Variants in DIO1 observed in about 807,000 individuals in gnomAD.
The protein encoded by DIO1 is type I iodothyronine deiodinase.
Under a neutral mutation model 25.9 loss-of-function variants are expected in DIO1, and 17 were observed. The ratio of observed to expected loss-of-function variants is 0.66; its 90% CI spans 0.45 to 0.98. DIO1 has a LOEUF of 0.98. DIO1 is among the 50% of genes least tolerant of loss of function. The pLI is 0.00. For synonymous variants in DIO1, 115 were observed against 114.0 expected, an observed-to-expected ratio of 1.01 and a Z score of -0.05; for missense variants, 270 against 310.4, an observed-to-expected ratio of 0.87 and a Z score of 0.98.
chr1:53,907,403 C>G (rs928969227), intron 3 of DIO1, among the ~76,000 whole-genome samples: 1 of 151,984 alleles, frequency 6.6e-6, no homozygotes, highest in African/African-American at 2.4e-5. Context: ...GTCCACAGAT[C>G]AAGATCAAGC....
intron 1 of DIO1, among the ~76,000 whole-genome samples, chr1:53,901,856 C>T (rs773436756): frequency 2.1e-4 from 31 of 150,748 alleles, no homozygotes; most frequent in South Asian, 1.9e-3. Context: ...TGTGAATAGC[C>T]ACTGCATTCC....
At chr1:53,907,210 C>T (rs573002902) in intron 3 of DIO1, among the ~76,000 whole-genome samples, 1 of 152,292 alleles carries the variant, frequency 6.6e-6, no homozygotes, top group Non-Finnish European at 1.5e-5. Context: ...GGCTCCCTTT[C>T]TTGTGATTGC....
At chr1:53,907,913 G>A (rs111584762) in intron 3 of DIO1, among the ~76,000 whole-genome samples, 3,059 of 46,710 alleles carry the variant, frequency 0.065, 147 homozygotes, top group African/African-American at 0.16. Flanking sequence ...CTCTGTCTCG[G>A]AAAAAAAAAA....
intron 1 of DIO1, among the ~76,000 whole-genome samples, chr1:53,897,403 G>A (rs11582167): frequency 0.033 from 4,956 of 152,262 alleles, 141 homozygotes; most frequent in East Asian, 0.12. Flanking sequence ...TTGAACCCAG[G>A]AGGCAGAGGT....
rs11806067 is a variant in DIO1 at position 53,906,501 on chromosome 1, G to A, written c.681+207G>A. Among the ~76,000 whole-genome samples, 109 of 152,290 alleles carry A rather than the reference G, an allele frequency of 7.2e-4. No homozygotes were observed. The South Asian group carries it at 0.012, about 17-fold the overall frequency. On this transcript the variant is annotated intron_variant, in intron 3 of 3. Transcript: ENST00000361921. ...ATGGGAATGTTGGTCTCCACCTCAC[G>A]GGGGATGAAATAATGCACACGAATG...
chr1:53,906,415 C>T, intron 3 of DIO1, 121 bp downstream of exon 3: 1 of 825,908 alleles, frequency 1.2e-6, no homozygotes, highest in Non-Finnish European at 1.9e-6. Flanking sequence ...ACTTACCAGC[C>T]ATGTGACCAT....
chr1:53,897,987 AAC>A (rs1312460335), intron 1 of DIO1, among the ~76,000 whole-genome samples: 1 of 152,230 alleles, frequency 6.6e-6, no homozygotes, highest in East Asian at 1.9e-4. Context: ...CATAGGTACT[AAC>A]AATACGGAAA....
At position 53,906,195 on chromosome 1, in the gene DIO1, C is replaced by G; in HGVS notation, c.582C>G (p.Cys194Trp). 1 of 1,614,200 alleles carries G rather than the reference C, an allele frequency of 6.2e-7. No individual in the cohort carries two copies. Among genetic ancestry groups the G allele is most frequent in the Non-Finnish European group, 8.5e-7 (1 of 1,180,030 alleles). The stretch of plus-strand genomic sequence containing the variant: ...TACTGCTGGCCAGGAGCCCCCAGTG[C>G]CCTGTGGTGGTGGACACCATGCAGA... ...AHLLLARSPQCPVVVDTMQNQ... is the reference protein window; with the variant it reads ...AHLLLARSPQWPVVVDTMQNQ... The change falls in exon 3 of 4, where the codon TGC becomes TGG. Residue 194 changes from cysteine (C) to tryptophan (W), a missense_variant. Physicochemically the swap from Cys to Trp is radical, Grantham distance 215 (BLOSUM62 -2). Coordinates refer to ENST00000361921, the MANE Select transcript of DIO1 (RefSeq NM_000792.7).
rs1298204053 is a variant in DIO1, at chr1:53,910,162, G to C, written c.*163G>C. On this transcript the variant is annotated 3_prime_UTR_variant, in exon 4 of 4. Transcript: ENST00000361921. ...AACAACTCCCAGCTGAGGAATGCAG[G>C]CCACAGCACCCAATCAAGACAAATT... 1.6e-6 allele frequency: 1 copy of C among 638,938 alleles called. No individual in the cohort carries two copies. The highest frequency in any genetic ancestry group is 2.8e-6 in the Non-Finnish European group (1 of 356,434). 39.6% of individuals were successfully genotyped at this position (638,938 alleles called of 1,614,324 possible).
Position 53,904,726 on chromosome 1 carries a change from T to G in DIO1, c.398T>G (p.Phe133Cys). 6.2e-7 allele frequency: 1 copy of G among 1,613,988 alleles called. No individual in the cohort carries two copies. Residue 133 changes from phenylalanine (F) to cysteine (C), a missense_variant, in exon 2 of 4, where the codon TTT becomes TGT. Physicochemically the swap from Phe to Cys is radical, Grantham distance 205. Transcript: ENST00000361921. The stretch of plus-strand genomic sequence containing the variant: ...ACCTGACCTTCATTTATGTTCAAAT[T>G]TGACCAGTTCAAGAGGCTTATTGAA... Reference protein sequence around the residue: ...SCTUPSFMFKFDQFKRLIEDF... With the variant: ...SCTUPSFMFKCDQFKRLIEDF...
intron 1 of DIO1, among the ~76,000 whole-genome samples, chr1:53,895,151 G>A (rs997869737): frequency 2.0e-5 from 3 of 152,198 alleles, no homozygotes; most frequent in Admixed American, 6.5e-5. Flanking sequence ...TCGGCTGGGC[G>A]TGATGGTTCA....
Position 53,904,732 on chromosome 1 carries a change from A to G in DIO1, c.404A>G (p.Gln135Arg). Residue 135 changes from glutamine to arginine, a missense_variant, in exon 2 of 4, where the codon CAG (glutamine) becomes CGG (arginine). Coordinates refer to ENST00000361921, the MANE Select transcript of DIO1 (RefSeq NM_000792.7). ...TUPSFMFKFDQFKRLIEDFSS... is the reference protein window; with the variant it reads ...TUPSFMFKFDRFKRLIEDFSS... ...CCTTCATTTATGTTCAAATTTGACC[A>G]GTTCAAGAGGCTTATTGAAGACTTT... 1 of 1,613,972 alleles carries G rather than the reference A, an allele frequency of 6.2e-7. No individual in the cohort carries two copies. Among genetic ancestry groups the G allele is most frequent in the Non-Finnish European group, 8.5e-7 (1 of 1,179,944 alleles).
chr1:53,901,415 C>T (rs997358393), intron 1 of DIO1, among the ~76,000 whole-genome samples: 1 of 152,166 alleles, frequency 6.6e-6, no homozygotes, highest in African/African-American at 2.4e-5. Flanking sequence ...TGTCTTTTAG[C>T]ATCAATAGTT....
At chr1:53,896,210 CTTTT>C (rs199555423) in intron 1 of DIO1, among the ~76,000 whole-genome samples, 14,545 of 102,142 alleles carry the variant, frequency 0.14, 380 homozygotes, top group Middle Eastern at 0.21. Context: ...TTCTTTTTCT[CTTTT>C]TTTTTTTTTT....
rs1650996892 is a variant in DIO1 at position 53,894,981 on chromosome 1, C to T, written c.337+434C>T. On this transcript the variant is annotated intron_variant, in intron 1 of 3. Coordinates refer to ENST00000361921, the MANE Select transcript of DIO1 (RefSeq NM_000792.7). The surrounding 1 kb of genome is among the most constrained non-coding windows in gnomAD (Gnocchi z 4.9). ...CTAAACTTTTCTTTATTACACCTGT[C>T]GCGGTTTGTAATTATGTACGGCTGG... 1.3e-5 allele frequency among the ~76,000 whole-genome samples: 2 copies of T among 152,186 alleles called. No individual in the cohort carries two copies. Among genetic ancestry groups the T allele is most frequent in the African/African-American group, 4.8e-5 (2 of 41,454 alleles).
At chr1:53,897,274 A>G (rs10888817) in intron 1 of DIO1, among the ~76,000 whole-genome samples, 55,951 of 151,964 alleles carry the variant, frequency 0.37, 10,527 homozygotes, top group East Asian at 0.55. Flanking sequence ...TCAGAAGTTC[A>G]AGACCAGCCT....
rs1274397415 is a variant in DIO1, at chr1:53,895,571, C to T, written c.337+1024C>T. ...CTTCCTGCCAGAACTTCCTTCTCCC[C>T]GACTTGCCCACTCAGCCAGCCCAGC... On this transcript the variant is annotated intron_variant, in intron 1 of 3. Transcript: ENST00000361921. Among the ~76,000 whole-genome samples the T allele has an allele frequency of 3.3e-5, 5 of 152,164 alleles. No homozygotes were observed. The East Asian group carries it at 9.6e-4, about 29-fold the overall frequency.
intron 3 of DIO1, among the ~76,000 whole-genome samples, chr1:53,909,560 G>A (rs933747771): frequency 6.6e-6 from 1 of 152,214 alleles, no homozygotes; most frequent in Non-Finnish European, 1.5e-5. Flanking sequence ...TAGAACTGGA[G>A]AGGCAGAGAT....
In DIO1 at chr1:53,903,531, G is replaced by A. The variant is rs190591575; in HGVS notation, c.338-1135G>A. Among the ~76,000 whole-genome samples, 22 of 152,016 alleles carry A rather than the reference G, an allele frequency of 1.4e-4. 1 individual carries two copies. Among genetic ancestry groups the A allele is most frequent in the African/African-American group, 5.3e-4 (22 of 41,306 alleles). On this transcript the variant is annotated intron_variant, in intron 1 of 3. Coordinates refer to ENST00000361921, the MANE Select transcript of DIO1 (RefSeq NM_000792.7). ...AAAGACACGATGCCAGGTCAAGAGAGGGACTACAGAAGATTAGAAATGTCT... is the reference window on the plus strand; with the variant it reads ...AAAGACACGATGCCAGGTCAAGAGAAGGACTACAGAAGATTAGAAATGTCT...
Sources: gnomAD v4.1 joint callset for allele counts (sites outside exome capture counted in the v4.1 genomes callset) on GRCh38, gnomAD v4.1.1 for gene constraint, Gnocchi (gnomAD v3.1) non-coding constraint, MANE v1.5 for transcripts, NCBI Gene and HGNC (gene_info 2026-07-23, HGNC 2026-07-21) for gene names.